Variants in EXOC6B observed in about 807,000 individuals in gnomAD.
EXOC6B encodes the protein exocyst complex component 6B.
EXOC6B carries 54 observed loss-of-function variants against 113.5 expected under a neutral mutation model. The observed-to-expected ratio is 0.48, with a 90% confidence interval of 0.38 to 0.60. The LOEUF (loss-of-function observed/expected upper bound fraction) is 0.60, where lower values mean the gene tolerates loss of function less well. Among genes scored for constraint, EXOC6B ranks in the 20% least tolerant of loss-of-function variants. The pLI is 0.00. For missense variants in EXOC6B, 797 were observed against 977.5 expected (o/e 0.82, Z 2.46); for synonymous variants, 357 against 339.0 (o/e 1.05, Z -0.58).
At chr2:72,498,642 T>C in intron 12 of EXOC6B, 91 bp from the exon 13 acceptor site, 1 of 695,872 alleles carries the variant, frequency 1.4e-6, no homozygotes, top group Non-Finnish European at 2.3e-6. Context: ...AGGGATAAGA[T>C]ACTGAAAAAC....
intron 21 of EXOC6B, chr2:72,182,906 C>T: frequency 2.4e-6 from 3 of 1,231,248 alleles, no homozygotes; most frequent in Non-Finnish European, 3.0e-6. Context: ...TCTAGATATC[C>T]TAGGGCGGAA....
At chr2:72,682,304 A>G (rs1298535004) in intron 6 of EXOC6B, among the ~76,000 whole-genome samples, 1 of 152,212 alleles carries the variant, frequency 6.6e-6, no homozygotes, top group Non-Finnish European at 1.5e-5. Flanking sequence ...ATATACTGAC[A>G]TTATTTTTTC....
rs1251836924 is a variant in EXOC6B at position 72,498,518 on chromosome 2, T to C, written c.1273A>G (p.Met425Val). The stretch of plus-strand genomic sequence containing the variant: ...TATTGGTCTCTGATTTCTAACAGCA[T>C]GTCAAAAAGCTGATTTACAGGGAAA... The part of the protein sequence containing the change: ...YGFPVNQLFD[M>V]LLEIRDQYSE... Residue 425 changes from methionine to valine, a missense_variant, in exon 13 of 22, where the codon ATG becomes GTG. Physicochemically the swap from Met to Val is conservative, Grantham distance 21. Transcript: ENST00000272427. The C allele has an allele frequency of 9.9e-6, 16 of 1,611,582 alleles. No individual in the cohort carries two copies. The highest frequency in any genetic ancestry group is 1.1e-5 in the Non-Finnish European group (13 of 1,178,938).
chr2:72,392,783 C>G (rs893999629), intron 18 of EXOC6B, among the ~76,000 whole-genome samples: 4 of 152,166 alleles, frequency 2.6e-5, no homozygotes, highest in African/African-American at 4.8e-5. Flanking sequence ...TGTTTTTAAA[C>G]TTTATTACAA....
At chr2:72,598,253 C>T (rs1019500087) in intron 6 of EXOC6B, among the ~76,000 whole-genome samples, 2 of 151,766 alleles carry the variant, frequency 1.3e-5, no homozygotes, top group African/African-American at 4.8e-5. Context: ...CAGAATGGAA[C>T]AAGAAATCAA....
chr2:72,411,545 G>T (rs1694188994), intron 18 of EXOC6B, among the ~76,000 whole-genome samples: 1 of 152,182 alleles, frequency 6.6e-6, no homozygotes. Flanking sequence ...CGACACGGAA[G>T]CTTGGTTTCC....
At chr2:72,700,762 C>A (rs1021957615) in intron 6 of EXOC6B, among the ~76,000 whole-genome samples, 3 of 152,132 alleles carry the variant, frequency 2.0e-5, no homozygotes, top group Non-Finnish European at 4.4e-5. Flanking sequence ...TCAGGCCTTG[C>A]CAATATGGCA....
chr2:72,179,309 C>T lies in EXOC6B; in HGVS notation c.*26G>A, dbSNP rs771315719. 7.7e-6 allele frequency: 12 copies of T among 1,561,954 alleles called. No individual in the cohort carries two copies. The highest frequency in any genetic ancestry group is 2.4e-5 in the South Asian group (2 of 82,302). ...GACTGACACAGAGGCTGCAGCAGGT[C>T]GCCTCTGTGGGTCCGGGGTCACCCT... is the stretch of plus-strand genomic sequence containing the variant. On this transcript the variant is annotated 3_prime_UTR_variant, in exon 22 of 22. Coordinates refer to ENST00000272427, the MANE Select transcript of EXOC6B (RefSeq NM_015189.3).
intron 20 of EXOC6B, among the ~76,000 whole-genome samples, chr2:72,249,022 G>A (rs1050568226): frequency 6.6e-6 from 1 of 152,184 alleles, no homozygotes; most frequent in Non-Finnish European, 1.5e-5. Flanking sequence ...TCAGGCTTTT[G>A]GGAGGCCAAG....
chr2:72,697,266 T>TC (rs1677963544), intron 6 of EXOC6B, among the ~76,000 whole-genome samples: 10 of 152,152 alleles, frequency 6.6e-5, no homozygotes, highest in Non-Finnish European at 1.0e-4. Flanking sequence ...TAAATACAGA[T>TC]ATTGGGCACA....
intron 6 of EXOC6B, among the ~76,000 whole-genome samples, chr2:72,630,222 A>C (rs1573516391): frequency 6.6e-6 from 1 of 152,080 alleles, no homozygotes; most frequent in Admixed American, 6.6e-5. Context: ...CTGAAGCCTA[A>C]CCCTCTAACA....
At chr2:72,585,822 A>G (rs1282070646) in intron 6 of EXOC6B, among the ~76,000 whole-genome samples, 1 of 152,116 alleles carries the variant, frequency 6.6e-6, no homozygotes, top group Non-Finnish European at 1.5e-5. Flanking sequence ...TACCAACCTA[A>G]AAAAAGCCCT....
At chr2:72,458,630 C>T (rs958398029) in intron 18 of EXOC6B, among the ~76,000 whole-genome samples, 5 of 152,054 alleles carry the variant, frequency 3.3e-5, no homozygotes, top group African/African-American at 1.2e-4. Flanking sequence ...CACACTGAGA[C>T]GTTTTATAGT....
chr2:72,661,649 T>C (rs1675026165), intron 6 of EXOC6B, among the ~76,000 whole-genome samples: 2 of 152,054 alleles, frequency 1.3e-5, no homozygotes, highest in Admixed American at 6.6e-5. Flanking sequence ...ACAGATTCGA[T>C]GCAATTGCAA....
intron 20 of EXOC6B, among the ~76,000 whole-genome samples, chr2:72,298,980 A>G (rs1254830432): frequency 2.6e-5 from 4 of 152,040 alleles, no homozygotes; most frequent in African/African-American, 9.7e-5. Flanking sequence ...GCTCTTCTCC[A>G]GGAGTATCTT....
intron 19 of EXOC6B, among the ~76,000 whole-genome samples, chr2:72,374,097 T>C (rs539424002): frequency 6.6e-6 from 1 of 152,204 alleles, no homozygotes; most frequent in South Asian, 2.1e-4. Context: ...TTAAATCCAC[T>C]ATGGAGAATA....
chr2:72,428,589 A>C (rs1695340883), intron 18 of EXOC6B, among the ~76,000 whole-genome samples: 1 of 152,186 alleles, frequency 6.6e-6, no homozygotes, highest in African/African-American at 2.4e-5. Context: ...TCTCCCTTGG[A>C]GGCATGGGAT....
intron 8 of EXOC6B, among the ~76,000 whole-genome samples, chr2:72,552,314 T>C (rs1573378434): frequency 6.6e-6 from 1 of 152,190 alleles, no homozygotes; most frequent in South Asian, 2.1e-4. Flanking sequence ...TGAACTCCCT[T>C]ATCCAAACAT....
At chr2:72,232,941 G>A (rs1337807490) in intron 20 of EXOC6B, among the ~76,000 whole-genome samples, 3 of 151,686 alleles carry the variant, frequency 2.0e-5, no homozygotes, top group East Asian at 1.9e-4. Context: ...GTGTGGTTGC[G>A]GGTGCCTGTA....
Sources: allele counts gnomAD v4.1 joint callset (sites outside exome capture counted in the v4.1 genomes callset), GRCh38; gene constraint gnomAD v4.1.1; transcripts MANE v1.5; gene names NCBI Gene and HGNC (gene_info 2026-07-23, HGNC 2026-07-21).